Variants in CNTN4 observed in about 807,000 individuals in gnomAD.
CNTN4 encodes contactin-4.
In CNTN4, 77 loss-of-function variants were observed where a neutral mutation model predicts 122.5. The ratio of observed to expected loss-of-function variants is 0.63; its 90% CI spans 0.52 to 0.76. CNTN4 has a LOEUF of 0.76. Among genes scored for constraint, CNTN4 ranks in the 30% least tolerant of loss-of-function variants. CNTN4 has a pLI of 0.00. For synonymous variants in CNTN4, 512 were observed against 447.0 expected, an observed-to-expected ratio of 1.15 and a Z score of -1.83; for missense variants, 1,256 against 1,259.1, an observed-to-expected ratio of 1.00 and a Z score of 0.04.
At chr3:2,617,199 T>C (rs144780008) in intron 4 of CNTN4, among the ~76,000 whole-genome samples, 7,884 of 152,044 alleles carry the variant, frequency 0.052, 666 homozygotes, top group African/African-American at 0.18. Flanking sequence ...TCAGAGTGAA[T>C]AGGCAACCTA....
intron 2 of CNTN4, among the ~76,000 whole-genome samples, chr3:2,135,683 G>T (rs1475235675): frequency 6.6e-6 from 1 of 151,554 alleles, no homozygotes; most frequent in Non-Finnish European, 1.5e-5. Flanking sequence ...AGATGAAGGG[G>T]TGCTATGGGA....
chr3:3,020,920 C>A (rs140883757), intron 14 of CNTN4, among the ~76,000 whole-genome samples: 1 of 152,298 alleles, frequency 6.6e-6, no homozygotes, highest in Non-Finnish European at 1.5e-5. Context: ...AAACACGTTC[C>A]TAGTAAGCTG....
At chr3:2,451,710 C>A (rs190406232) in intron 3 of CNTN4, among the ~76,000 whole-genome samples, 27 of 151,880 alleles carry the variant, frequency 1.8e-4, no homozygotes, top group Non-Finnish European at 1.8e-4. Flanking sequence ...GAGTTTTTTG[C>A]GCTGATGAAG....
intron 21 of CNTN4, 57 bp from the exon 22 acceptor site, chr3:3,042,920 C>G: frequency 7.2e-7 from 1 of 1,381,152 alleles, no homozygotes; most frequent in Non-Finnish European, 1.0e-6. Context: ...TACCTGATGA[C>G]ATTGCAAATA....
At chr3:2,639,803 C>G (rs1300318252) in intron 4 of CNTN4, among the ~76,000 whole-genome samples, 1 of 152,184 alleles carries the variant, frequency 6.6e-6, no homozygotes, top group Non-Finnish European at 1.5e-5. Flanking sequence ...GAAAATCTCA[C>G]CAGCTATCTG....
chr3:2,114,924 T>C (rs914075212), intron 2 of CNTN4, among the ~76,000 whole-genome samples: 1 of 152,256 alleles, frequency 6.6e-6, no homozygotes, highest in Non-Finnish European at 1.5e-5. Context: ...AATTTAATGC[T>C]GTTTGACAAC....
intron 4 of CNTN4, among the ~76,000 whole-genome samples, chr3:2,573,763 A>T (rs2079533060): frequency 6.6e-6 from 1 of 152,114 alleles, no homozygotes; most frequent in African/African-American, 2.4e-5. Context: ...TGTTTTTGTG[A>T]GGCTTTTTTG....
chr3:2,546,164 A>G (rs759229933), intron 3 of CNTN4, among the ~76,000 whole-genome samples: 1 of 152,072 alleles, frequency 6.6e-6, no homozygotes, highest in South Asian at 2.1e-4. Context: ...GTCCCATTAC[A>G]GGTTATATAC....
intron 3 of CNTN4, among the ~76,000 whole-genome samples, chr3:2,535,620 A>G (rs1366042049): frequency 6.6e-6 from 1 of 152,090 alleles, no homozygotes; most frequent in Non-Finnish European, 1.5e-5. Flanking sequence ...CCCTTTCATG[A>G]TAGAGATTCC....
At chr3:2,100,217 C>G (rs1026464492) in intron 1 of CNTN4, among the ~76,000 whole-genome samples, 2 of 152,136 alleles carry the variant, frequency 1.3e-5, no homozygotes, top group African/African-American at 2.4e-5. Context: ...TGTCGTGGAA[C>G]TTTTTCTAGT....
intron 13 of CNTN4, among the ~76,000 whole-genome samples, chr3:2,982,563 AT>A (rs1694130887): frequency 1.3e-5 from 2 of 152,286 alleles, no homozygotes; most frequent in Admixed American, 1.3e-4. Flanking sequence ...GGTAGGCAAA[AT>A]AATTGCCAAC....
Position 3,040,249 on chromosome 3 carries a change from G to T in CNTN4, c.2376G>T (p.Thr792=), listed in dbSNP as rs150012927. ...GAGAAGGCCCTTTCAGTCCCACCAC[G>T]GTGGTGTATTCTGCAGAAGAAGGTA... The part of the protein sequence containing the change: ...NKGEGPFSPT[T]VVYSAEEEPT... The change falls in exon 20 of 25, where the codon ACG becomes ACT. Residue 792 remains threonine, a synonymous_variant. Coordinates refer to ENST00000418658, the MANE Select transcript of CNTN4 (RefSeq NM_175607.3). 6.2e-7 allele frequency: 1 copy of T among 1,613,742 alleles called. No individual in the cohort carries two copies. The highest frequency in any genetic ancestry group is 1.3e-5 in the African/African-American group (1 of 75,056).
At chr3:2,787,527 C>A (rs915207699) in intron 6 of CNTN4, among the ~76,000 whole-genome samples, 1 of 152,136 alleles carries the variant, frequency 6.6e-6, no homozygotes, top group African/African-American at 2.4e-5. Flanking sequence ...TGGTCAGTGT[C>A]CGAACTTTTT....
At chr3:2,376,726 T>C (rs146996243) in intron 3 of CNTN4, among the ~76,000 whole-genome samples, 102 of 151,560 alleles carry the variant, frequency 6.7e-4, no homozygotes, top group African/African-American at 2.2e-3. Context: ...ACATATAATA[T>C]GCTCTGCTAT....
rs568958355 is a variant in CNTN4, at chr3:2,602,829, T to G, written c.55+31271T>G. On this transcript the variant is annotated intron_variant, in intron 4 of 24. Transcript: ENST00000418658. ...AGTACAGGTTGTCTTCCTTAGCAAGTACAACCTTTGCCCACTGAATGTGCT... is the reference window on the plus strand; with the variant it reads ...AGTACAGGTTGTCTTCCTTAGCAAGGACAACCTTTGCCCACTGAATGTGCT... 3.3e-5 allele frequency among the ~76,000 whole-genome samples: 5 copies of G among 152,298 alleles called. No individual in the cohort carries two copies. In the East Asian group the frequency reaches 9.6e-4, roughly 29 times the overall value.
intron 17 of CNTN4, 121 bp from the exon 18 acceptor site, chr3:3,037,058 C>A: frequency 8.6e-7 from 1 of 1,163,750 alleles, no homozygotes; most frequent in Non-Finnish European, 1.3e-6. Flanking sequence ...ATCAGAACAC[C>A]TACACTGCCC....
intron 2 of CNTN4, among the ~76,000 whole-genome samples, chr3:2,114,181 G>T (rs1034152629): frequency 6.6e-6 from 1 of 152,058 alleles, no homozygotes; most frequent in African/African-American, 2.4e-5. Flanking sequence ...GTGGCCAGGT[G>T]GTGGCTCACA....
At chr3:2,821,855 C>G (rs570959344) in intron 7 of CNTN4, among the ~76,000 whole-genome samples, 1 of 152,194 alleles carries the variant, frequency 6.6e-6, no homozygotes, top group Non-Finnish European at 1.5e-5. Context: ...TTCAGTTTGA[C>G]TTTCCACATG....
chr3:2,581,733 A>G (rs2079948551), intron 4 of CNTN4, among the ~76,000 whole-genome samples: 1 of 152,238 alleles, frequency 6.6e-6, no homozygotes. Context: ...ATAATAGCCA[A>G]AAAGTGGGAA....
Sources: gnomAD v4.1 joint callset for allele counts (sites outside exome capture counted in the v4.1 genomes callset) on GRCh38, gnomAD v4.1.1 for gene constraint, MANE v1.5 for transcripts, NCBI Gene and HGNC (gene_info 2026-07-23, HGNC 2026-07-21) for gene names.